TMEM63C: variants seen among roughly 807,000 people sequenced by gnomAD.
TMEM63C encodes transmembrane protein 63C.
A neutral mutation model predicts 99.2 loss-of-function variants in TMEM63C; 32 were observed. That is an observed-to-expected ratio of 0.32 (90% CI 0.24 to 0.43). The LOEUF is 0.43. TMEM63C is among the 20% of genes least tolerant of loss of function. The pLI is 1.00. For synonymous variants in TMEM63C, 376 were observed against 397.9 expected (o/e 0.94, Z 0.66); for missense variants, 826 against 1,053.0 (o/e 0.78, Z 2.98).
At chr14:77,188,854 GAAA>G (rs35876079) in intron 1 of TMEM63C, among the ~76,000 whole-genome samples, 1 of 151,222 alleles carries the variant, frequency 6.6e-6, no homozygotes, top group Non-Finnish European at 1.5e-5. Flanking sequence ...CAACCAAACA[GAAA>G]AAAAAAGACA....
chr14:77,186,813 G>GTGTGTGTC (rs1170427490), intron 1 of TMEM63C, among the ~76,000 whole-genome samples: 4 of 90,278 alleles, frequency 4.4e-5, no homozygotes, highest in East Asian at 7.8e-4. Flanking sequence ...GTGTGTGTGT[G>GTGTGTGTC]TGTGTGTCTG....
intron 1 of TMEM63C, among the ~76,000 whole-genome samples, chr14:77,206,436 C>T (rs560933201): frequency 2.5e-4 from 38 of 152,356 alleles, no homozygotes; most frequent in African/African-American, 7.5e-4. Flanking sequence ...TTCAGGCAGA[C>T]GCCCAGGGAC....
In TMEM63C at chr14:77,238,726, C is replaced by G. The variant is rs759836967; in HGVS notation, c.684C>G (p.Pro228=). ...VTRTLMITYV[P]KDIEDPELII... ...GGACACTAATGATCACCTATGTGCC[C>G]AAGGACATTGAAGACCCAGAACTCA... The change falls in exon 10 of 24, where the codon CCC becomes CCG. Residue 228 remains proline, a synonymous_variant. Transcript: ENST00000298351. 2 of 1,613,954 alleles carry G rather than the reference C, an allele frequency of 1.2e-6. No homozygotes were observed. The highest frequency in any genetic ancestry group is 1.7e-6 in the Non-Finnish European group (2 of 1,179,852).
chr14:77,243,987 G>A (rs1889226652), intron 15 of TMEM63C, among the ~76,000 whole-genome samples: 1 of 152,120 alleles, frequency 6.6e-6, no homozygotes, highest in African/African-American at 2.4e-5. Context: ...TCCTGGGAGG[G>A]CCACAGCTCT....
chr14:77,222,626 A>G (rs1345406699), intron 5 of TMEM63C, among the ~76,000 whole-genome samples: 2 of 152,050 alleles, frequency 1.3e-5, no homozygotes, highest in Non-Finnish European at 2.9e-5. Flanking sequence ...TATCCCTGCC[A>G]CATGAGTCCA....
chr14:77,251,118 A>AAAAG (rs1889351863), intron 21 of TMEM63C, among the ~76,000 whole-genome samples: 1 of 152,218 alleles, frequency 6.6e-6, no homozygotes, highest in African/African-American at 2.4e-5. Context: ...CTAGGTTGTT[A>AAAAG]AAAGACTGAA....
At chr14:77,236,568 G>A (rs1281524795) in intron 8 of TMEM63C, 56 bp from the exon 9 acceptor site, 24 of 1,293,206 alleles carry the variant, frequency 1.9e-5, no homozygotes, top group African/African-American at 2.9e-5. Flanking sequence ...TCTCTGTGCA[G>A]TGGGCTCTGG....
rs368565249 is a variant in TMEM63C at position 77,251,896 on chromosome 14, G to C, written c.2146G>C (p.Glu716Gln). ...LGKLRMVADY[E>Q]PEEEEIQTVF... ...GAAGCTTCGGATGGTTGCCGACTAC[G>C]AGGTGAGTTGCCAGCCTGCCCCTCC... The change falls in exon 22 of 24, where the codon GAG becomes CAG. Residue 716 changes from glutamate (E) to glutamine (Q), a missense_variant and splice_region_variant. Physicochemically the swap from Glu to Gln is conservative, Grantham distance 29. Transcript: ENST00000298351. The C allele has an allele frequency of 6.2e-7, 1 of 1,611,838 alleles. No individual in the cohort carries two copies. Among genetic ancestry groups the C allele is most frequent in the Non-Finnish European group, 8.5e-7 (1 of 1,177,920 alleles).
intron 1 of TMEM63C, among the ~76,000 whole-genome samples, chr14:77,189,481 T>G (rs975913264): frequency 6.6e-6 from 1 of 152,158 alleles, no homozygotes; most frequent in Admixed American, 6.5e-5. Context: ...TTTACTAATT[T>G]CTGTTGCAAT....
intron 15 of TMEM63C, 122 bp from the exon 16 acceptor site, chr14:77,244,227 A>C (rs1039496174): frequency 1.3e-6 from 1 of 745,956 alleles, no homozygotes; most frequent in Admixed American, 2.2e-5. Context: ...GAGAAGGGCC[A>C]GGCCCCTTGC....
In TMEM63C at chr14:77,236,608, G is replaced by A; in HGVS notation, c.543-16G>A. The A allele has an allele frequency of 6.3e-7, 1 of 1,588,844 alleles. No homozygotes were observed. The highest frequency in any genetic ancestry group is 8.6e-7 in the Non-Finnish European group (1 of 1,158,718). On this transcript the variant is annotated splice_polypyrimidine_tract_variant and intron_variant, in intron 8 of 23. Transcript: ENST00000298351. ...CTCACAGGCTGACCTCACTGCTGCT[G>A]CCTCCCTCCCTGCAGGAGCAAGCTC...
intron 14 of TMEM63C, 40 bp downstream of exon 14, chr14:77,242,509 C>G (rs1374180762): frequency 6.2e-7 from 1 of 1,607,120 alleles, no homozygotes; most frequent in Non-Finnish European, 8.5e-7. Context: ...CTGAGCTCCT[C>G]TGAGACTGAA....
At chr14:77,217,876 CA>C (rs566654559) in intron 2 of TMEM63C, among the ~76,000 whole-genome samples, 3 of 151,830 alleles carry the variant, frequency 2.0e-5, no homozygotes, top group Admixed American at 2.0e-4. Flanking sequence ...TTTGTGGGGG[CA>C]AAAAAATTAA....
intron 9 of TMEM63C, among the ~76,000 whole-genome samples, chr14:77,238,012 C>CATG (rs1889090875): frequency 6.6e-6 from 1 of 152,228 alleles, no homozygotes; most frequent in South Asian, 2.1e-4. Context: ...GGCTTGGTCA[C>CATG]CCTTGACCAG....
chr14:77,225,815 A>C (rs1888810266), intron 6 of TMEM63C, among the ~76,000 whole-genome samples: 1 of 152,070 alleles, frequency 6.6e-6, no homozygotes, highest in African/African-American at 2.4e-5. Context: ...ACATCATTCA[A>C]CATATCATGT....
intron 5 of TMEM63C, among the ~76,000 whole-genome samples, chr14:77,223,658 C>T (rs1888765492): frequency 6.6e-6 from 1 of 151,830 alleles, no homozygotes; most frequent in Admixed American, 6.6e-5. Context: ...TATGTGTGTG[C>T]ACACACACAT....
chr14:77,226,109 C>A (rs1042697983), intron 6 of TMEM63C, among the ~76,000 whole-genome samples: 3 of 152,244 alleles, frequency 2.0e-5, no homozygotes, highest in Non-Finnish European at 4.4e-5. Flanking sequence ...CACACATGCA[C>A]ACTCATACAT....
intron 1 of TMEM63C, among the ~76,000 whole-genome samples, chr14:77,204,024 G>A (rs1248870048): frequency 6.6e-6 from 1 of 152,258 alleles, no homozygotes; most frequent in East Asian, 1.9e-4. Context: ...AGGCTGGAGG[G>A]AGAACCATGC....
At chr14:77,232,478 G>C (rs968883218) in intron 7 of TMEM63C, among the ~76,000 whole-genome samples, 1 of 151,978 alleles carries the variant, frequency 6.6e-6, no homozygotes, top group African/African-American at 2.4e-5. Flanking sequence ...AGTAGAGACG[G>C]GTTTTCACCA....
Sources: allele counts gnomAD v4.1 joint callset (sites outside exome capture counted in the v4.1 genomes callset), GRCh38; gene constraint gnomAD v4.1.1; transcripts MANE v1.5; gene names NCBI Gene and HGNC (gene_info 2026-07-23, HGNC 2026-07-21).